The following PCDHGA3 variants were observed in gnomAD, a reference collection of about 807,000 sequenced individuals.
PCDHGA3 encodes the protein protocadherin gamma subfamily A, 3.
In PCDHGA3, 40 loss-of-function variants were observed where a neutral mutation model predicts 58.5. That is an observed-to-expected ratio of 0.68 (90% confidence interval 0.53 to 0.89). PCDHGA3 has a LOEUF of 0.89. Among genes scored for constraint, PCDHGA3 ranks in the 40% least tolerant of loss-of-function variants. The pLI is 0.00. For missense variants in PCDHGA3, 1,223 were observed against 1,195.9 expected (o/e 1.02, Z -0.33); for synonymous variants, 530 against 525.7 (o/e 1.01, Z -0.11).
rs2099725414 is a variant in PCDHGA3, at chr5:141,491,703, GA to G, written c.2425-3103del. On this transcript the variant is annotated intron_variant, in intron 1 of 3. Coordinates refer to ENST00000253812, the MANE Select transcript of PCDHGA3 (RefSeq NM_018916.4). The surrounding 1 kb of genome is among the most constrained non-coding windows in gnomAD (Gnocchi z 6.9). ...ATACGCTGCGGGAGCGGAGCCAGGT[GA>G]GGGGCTCGGCGCCGCCCCGGGCGAC... is the stretch of plus-strand genomic sequence containing the variant. The G allele has an allele frequency of 3.7e-6, 6 of 1,611,396 alleles. No homozygotes were observed.
At chr5:141,415,863 GTGT>G in intron 1 of PCDHGA3, 1 of 1,107,154 alleles carries the variant, frequency 9.0e-7, no homozygotes, top group Non-Finnish European at 1.2e-6. Flanking sequence ...GTAGTTTATA[GTGT>G]TGTTGAGTAC....
intron 1 of PCDHGA3, chr5:141,478,076 C>A: frequency 6.2e-7 from 1 of 1,614,106 alleles, no homozygotes. Context: ...CAATGGGGAG[C>A]CTTCGCTCTC....
chr5:141,490,009 A>T lies in PCDHGA3; in HGVS notation c.2425-4798A>T. Reference sequence around the variant, plus strand: ...TGTGGGAATCCCAGAGAATGCACCCATTGGTACTCTGCTGCTCCGCCTCAA... The same window carrying T: ...TGTGGGAATCCCAGAGAATGCACCCTTTGGTACTCTGCTGCTCCGCCTCAA... On this transcript the variant is annotated intron_variant, in intron 1 of 3. Transcript: ENST00000253812. The surrounding 1 kb of genome is among the most constrained non-coding windows in gnomAD (Gnocchi z 5.4). 5 of 1,614,214 alleles carry T rather than the reference A, an allele frequency of 3.1e-6. No individual in the cohort carries two copies. The highest frequency in any genetic ancestry group is 4.2e-6 in the Non-Finnish European group (5 of 1,180,032).
chr5:141,494,449 G>A (rs185095384), intron 1 of PCDHGA3, among the ~76,000 whole-genome samples: 2 of 152,254 alleles, frequency 1.3e-5, no homozygotes, highest in East Asian at 3.9e-4. Flanking sequence ...CACTTTAGGG[G>A]GCTTTGTCTG....
At chr5:141,416,497 T>G (rs1426816820) in intron 1 of PCDHGA3, 3 of 152,116 alleles carry the variant, frequency 2.0e-5, no homozygotes, top group Non-Finnish European at 4.4e-5. Context: ...GAGCAAGAGA[T>G]ATATGACAAA....
intron 1 of PCDHGA3, among the ~76,000 whole-genome samples, chr5:141,466,725 G>A (rs1184472416): frequency 2.6e-5 from 4 of 152,024 alleles, no homozygotes; most frequent in Non-Finnish European, 5.9e-5. Context: ...TTCCATTTTA[G>A]CAGAATTCAT....
At chr5:141,382,872 G>T in intron 1 of PCDHGA3, 1 of 1,522,356 alleles carries the variant, frequency 6.6e-7, no homozygotes, top group Non-Finnish European at 8.8e-7. Flanking sequence ...CCCGAGATCG[G>T]CGCCTAAGCA....
At chr5:141,494,729 C>A in intron 1 of PCDHGA3, 78 bp from the exon 2 acceptor site, 1 of 1,610,166 alleles carries the variant, frequency 6.2e-7, no homozygotes. Context: ...CCTTCTCTCC[C>A]GGCCCATCCC....
At chr5:141,405,436 T>C (rs2094666141) in intron 1 of PCDHGA3, 1 of 1,458,154 alleles carries the variant, frequency 6.9e-7, no homozygotes. Flanking sequence ...TGTTTTGTTT[T>C]TGAGACAGAG....
At chr5:141,450,786 C>A (rs1468388706) in intron 1 of PCDHGA3, among the ~76,000 whole-genome samples, 1 of 151,020 alleles carries the variant, frequency 6.6e-6, no homozygotes, top group Admixed American at 6.6e-5. Flanking sequence ...CGTGCCCGGA[C>A]CTCATGATTG....
In PCDHGA3 at chr5:141,422,509, C is replaced by G. The variant is rs1249006816; in HGVS notation, c.2425-72298C>G. On this transcript the variant is annotated intron_variant, in intron 1 of 3. Coordinates refer to ENST00000253812, the MANE Select transcript of PCDHGA3 (RefSeq NM_018916.4). ...CAATATAACGTTGACAGCCACAGAC[C>G]AGGGAAGCCCGCCTTTGTCTGCAGA... The G allele has an allele frequency of 1.9e-6, 3 of 1,613,836 alleles. No homozygotes were observed. In the South Asian group the frequency reaches 3.3e-5, roughly 18 times the overall value.
chr5:141,433,194 A>G (rs1170543558), intron 1 of PCDHGA3: 18 of 1,585,754 alleles, frequency 1.1e-5, no homozygotes, highest in Non-Finnish European at 1.5e-5. Context: ...GTGAGTTTAT[A>G]TCAAATCTTC....
At chr5:141,357,072 C>G (rs745612694) in intron 1 of PCDHGA3, 1 of 1,613,960 alleles carries the variant, frequency 6.2e-7, no homozygotes, top group Admixed American at 1.7e-5. Flanking sequence ...TGCACACAGG[C>G]GAGGTGCGCA....
chr5:141,393,078 A>G, intron 1 of PCDHGA3: 1 of 1,613,718 alleles, frequency 6.2e-7, no homozygotes, highest in Non-Finnish European at 8.5e-7. Context: ...CACCGCGGGC[A>G]GGATAGATCG....
At position 141,487,748 on chromosome 5, in the gene PCDHGA3, T is replaced by C. The variant is rs1458153935; in HGVS notation, c.2425-7059T>C. On this transcript the variant is annotated intron_variant, in intron 1 of 3. Coordinates refer to ENST00000253812, the MANE Select transcript of PCDHGA3 (RefSeq NM_018916.4). The surrounding 1 kb of genome is among the most constrained non-coding windows in gnomAD (Gnocchi z 5.0). ...TGTCACCATTTTTGTAAGAGGTAAC[T>C]ATGTGGTAGACGCTGTGCTTTGTAA... 1 of 1,557,436 alleles carries C rather than the reference T, an allele frequency of 6.4e-7. No individual in the cohort carries two copies. Among genetic ancestry groups the C allele is most frequent in the Non-Finnish European group, 8.7e-7 (1 of 1,149,514 alleles).
Position 141,371,052 on chromosome 5 carries a change from C to T in PCDHGA3, c.2424+24595C>T, listed in dbSNP as rs769801850. 2.5e-6 allele frequency: 4 copies of T among 1,613,960 alleles called. No individual in the cohort carries two copies. In the South Asian group the frequency reaches 3.3e-5, roughly 13 times the overall value. ...CCTCACAGCTGTGGATGGGGGCGAGCCCTCCAGAAGCTGTACCACCCAGAT... is the reference window on the plus strand; with the variant it reads ...CCTCACAGCTGTGGATGGGGGCGAGTCCTCCAGAAGCTGTACCACCCAGAT... On this transcript the variant is annotated intron_variant, in intron 1 of 3. Coordinates refer to ENST00000253812, the MANE Select transcript of PCDHGA3 (RefSeq NM_018916.4).
At chr5:141,389,919 C>T (rs777835466) in intron 1 of PCDHGA3, 22 of 1,613,962 alleles carry the variant, frequency 1.4e-5, no homozygotes, top group Middle Eastern at 1.6e-4. Context: ...CCGCCCCGAC[C>T]CCTCTGACCT....
chr5:141,353,047 T>C (rs62378415), intron 1 of PCDHGA3, among the ~76,000 whole-genome samples: 4,502 of 152,268 alleles, frequency 0.03, 79 homozygotes, highest in Middle Eastern at 0.088. Context: ...ATAAGTAATT[T>C]TGATTTTCTT....
chr5:141,403,634 A>C, intron 1 of PCDHGA3: 1 of 1,613,920 alleles, frequency 6.2e-7, no homozygotes, highest in Non-Finnish European at 8.5e-7. Context: ...CACAGTGCGC[A>C]TCCATGTGAC....
Sources: gnomAD v4.1 joint callset for allele counts (sites outside exome capture counted in the v4.1 genomes callset) on GRCh38, gnomAD v4.1.1 for gene constraint, Gnocchi (gnomAD v3.1) non-coding constraint, MANE v1.5 for transcripts, NCBI Gene and HGNC (gene_info 2026-07-23, HGNC 2026-07-21) for gene names.